Variants in ASH1L observed in about 807,000 individuals in gnomAD.
The protein encoded by ASH1L is ASH1 like histone lysine methyltransferase, also known as histone-lysine N-methyltransferase ASH1L.
In ASH1L, 23 loss-of-function variants were observed where a neutral mutation model predicts 269.0. The ratio of observed to expected loss-of-function variants is 0.09; its 90% CI spans 0.06 to 0.12. The LOEUF (loss-of-function observed/expected upper bound fraction) is 0.12. Among genes scored for constraint, ASH1L ranks in the 10% least tolerant of loss-of-function variants. ASH1L has a pLI of 1.00. For synonymous variants in ASH1L, 1,187 were observed against 1,253.5 expected (o/e 0.95, Z 1.12); for missense variants, 2,912 against 3,567.8 (o/e 0.82, Z 4.68).
At chr1:155,558,992 A>G (rs1384109696) in intron 1 of ASH1L, among the ~76,000 whole-genome samples, 2 of 150,518 alleles carry the variant, frequency 1.3e-5, no homozygotes, top group Non-Finnish European at 3.0e-5. Flanking sequence ...CTACCGGCAC[A>G]CACACCATGC....
At chr1:155,346,322 G>A in intron 21 of ASH1L, 61 bp downstream of exon 21, 2 of 1,568,850 alleles carry the variant, frequency 1.3e-6, no homozygotes, top group South Asian at 1.1e-5. Flanking sequence ...CAGGACAGGT[G>A]AGATACCATG....
intron 6 of ASH1L, among the ~76,000 whole-genome samples, chr1:155,414,995 CCAAT>C (rs1660089727): frequency 6.6e-6 from 1 of 152,106 alleles, no homozygotes; most frequent in Non-Finnish European, 1.5e-5. Context: ...AACACAGCGT[CCAAT>C]CAGTGAAAAA....
chr1:155,512,265 C>T (rs576274943), intron 2 of ASH1L, among the ~76,000 whole-genome samples: 5 of 151,818 alleles, frequency 3.3e-5, no homozygotes, highest in South Asian at 4.2e-4. Flanking sequence ...ATCCGCCAGG[C>T]GCAGCACAGG....
intron 6 of ASH1L, 85 bp downstream of exon 6, chr1:155,415,659 G>C: frequency 1.4e-6 from 2 of 1,438,674 alleles, no homozygotes; most frequent in Non-Finnish European, 1.9e-6. Flanking sequence ...AAACACAAAA[G>C]AATCTATATT....
At position 155,490,656 on chromosome 1, in the gene ASH1L, T is replaced by A. The variant is rs534543852; in HGVS notation, c.421-8207A>T. Among the ~76,000 whole-genome samples the A allele has an allele frequency of 7.7e-3, 979 of 126,998 alleles. 9 individuals carry two copies. Among genetic ancestry groups the A allele is most frequent in the African/African-American group, 0.029 (912 of 31,944 alleles). 83.3% of individuals were successfully genotyped at this position (126,998 alleles called of 152,430 possible). On this transcript the variant is annotated intron_variant, in intron 2 of 27. Coordinates refer to ENST00000392403, the MANE Select transcript of ASH1L (RefSeq NM_018489.3). ...CACACACACACACATACACACACAC[T>A]CTCTCTCTCTCTTTTTCTGGCCAGG...
At position 155,531,142 on chromosome 1, in the gene ASH1L, A is replaced by C. The variant is rs575369311; in HGVS notation, c.-99-9524T>G. Among the ~76,000 whole-genome samples, 4 of 152,208 alleles carry C rather than the reference A, an allele frequency of 2.6e-5. No homozygotes were observed. In the South Asian group the frequency reaches 8.3e-4, roughly 32 times the overall value. Reference sequence around the variant, plus strand: ...CACTGCACTCCAGTCTGGGCAATAAAGAGAGACCCCCATCTCAAAAAACAG... The same window carrying C: ...CACTGCACTCCAGTCTGGGCAATAACGAGAGACCCCCATCTCAAAAAACAG... On this transcript the variant is annotated intron_variant, in intron 1 of 27. Coordinates refer to ENST00000392403, the MANE Select transcript of ASH1L (RefSeq NM_018489.3).
chr1:155,411,576 TAA>T (rs1491466313), intron 6 of ASH1L, among the ~76,000 whole-genome samples: 2 of 37,050 alleles, frequency 5.4e-5, no homozygotes, highest in South Asian at 1.8e-3. Flanking sequence ...TGAATATAAA[TAA>T]ATAAATAAAT....
At chr1:155,484,950 C>CA (rs1454107281) in intron 2 of ASH1L, among the ~76,000 whole-genome samples, 11 of 118,328 alleles carry the variant, frequency 9.3e-5, no homozygotes, top group African/African-American at 2.8e-4. Context: ...AAAACAAAAA[C>CA]AAAAACAAAA....
Position 155,439,120 on chromosome 1 carries a change from T to G in ASH1L, c.5087-52A>C, listed in dbSNP as rs769625318. The G allele has an allele frequency of 2.0e-6, 3 of 1,523,614 alleles. No homozygotes were observed. The African/African-American group carries it at 4.2e-5, about 21-fold the overall frequency. The allele number at this position is 1,523,614 out of a possible 1,614,324, so 94.4% of individuals were successfully genotyped here. A position where few individuals can be genotyped will look rare whatever the true frequency, so the allele number is the denominator to read the frequency against. ...GACAAAATTGGACACGGCTAGTTAT[T>G]TAAATAAGTTTTTACACAGATAAAA... On this transcript the variant is annotated intron_variant, in intron 4 of 27. Transcript: ENST00000392403.
At chr1:155,471,874 T>C (rs1267503132) in intron 3 of ASH1L, among the ~76,000 whole-genome samples, 1 of 152,240 alleles carries the variant, frequency 6.6e-6, no homozygotes, top group Non-Finnish European at 1.5e-5. Context: ...AGGTCTTCAC[T>C]AGCTTCAGGT....
chr1:155,489,271 G>C (rs1666578766), intron 2 of ASH1L, among the ~76,000 whole-genome samples: 1 of 151,814 alleles, frequency 6.6e-6, no homozygotes, highest in Non-Finnish European at 1.5e-5. Flanking sequence ...AGGAGTTTGA[G>C]ACCAGCCTGA....
Position 155,433,206 on chromosome 1 carries a change from C to T in ASH1L, c.5828+5121G>A, listed in dbSNP as rs1338246684. 5 of 1,545,728 alleles carry T rather than the reference C, an allele frequency of 3.2e-6. No homozygotes were observed. In the South Asian group the frequency reaches 6.0e-5, roughly 18 times the overall value. ...TGGCGGGACACCTGGCTTCGGATGCCTGCCTTCTTGCCCCCTCCAGGCGGT... is the reference window on the plus strand; with the variant it reads ...TGGCGGGACACCTGGCTTCGGATGCTTGCCTTCTTGCCCCCTCCAGGCGGT... On this transcript the variant is annotated intron_variant, in intron 5 of 27. Transcript: ENST00000392403.
Position 155,343,879 on chromosome 1 carries a change from G to C in ASH1L, c.7982-137C>G, listed in dbSNP as rs1653012923. 5 of 1,016,386 alleles carry C rather than the reference G, an allele frequency of 4.9e-6. No homozygotes were observed. The allele number at this position is 1,016,386 out of a possible 1,614,324, so 63.0% of individuals were successfully genotyped here. A position where few individuals can be genotyped will look rare whatever the true frequency, so the allele number is the denominator to read the frequency against. On this transcript the variant is annotated intron_variant, in intron 22 of 27. Coordinates refer to ENST00000392403, the MANE Select transcript of ASH1L (RefSeq NM_018489.3). The surrounding 1 kb of genome is among the most constrained non-coding windows in gnomAD (Gnocchi z 6.1). ...TAAATACAGAGAGCTAAAAGCAGCAGTGTTAAGTGATGATAATCAATTCTA... is the reference window on the plus strand; with the variant it reads ...TAAATACAGAGAGCTAAAAGCAGCACTGTTAAGTGATGATAATCAATTCTA...
chr1:155,521,413 T>G lies in ASH1L; in HGVS notation c.107A>C (p.Glu36Ala). ...ISTGTLVSKREVELEKNTKEE... is the reference protein window; with the variant it reads ...ISTGTLVSKRAVELEKNTKEE... ...CTTTGTGTTTTTTTCTAGCTCTACT[T>G]CTCTCTTACTGACCAATGTGCCAGT... The change falls in exon 2 of 28, where the codon GAA becomes GCA. Residue 36 changes from glutamate (E) to alanine (A), a missense_variant. Around this residue, in one of 13 missense-constraint regions of ASH1L, gnomAD observed 115 missense variants for 101.5 expected, o/e 1.13. Transcript: ENST00000392403. The G allele has an allele frequency of 6.2e-7, 1 of 1,614,142 alleles. No homozygotes were observed. The highest frequency in any genetic ancestry group is 8.5e-7 in the Non-Finnish European group (1 of 1,180,028).
chr1:155,532,124 C>T (rs1286808626), intron 1 of ASH1L, among the ~76,000 whole-genome samples: 2 of 152,192 alleles, frequency 1.3e-5, no homozygotes, highest in Non-Finnish European at 2.9e-5. Flanking sequence ...TTCACTCAAA[C>T]AGGCAAACTC....
At chr1:155,342,805 AC>A (rs1652924476) in intron 24 of ASH1L, among the ~76,000 whole-genome samples, 1 of 152,236 alleles carries the variant, frequency 6.6e-6, no homozygotes, top group South Asian at 2.1e-4. Flanking sequence ...TGAAATTAGT[AC>A]ACAGTATTAA....
chr1:155,419,872 T>C (rs1197863748), intron 5 of ASH1L, among the ~76,000 whole-genome samples: 1 of 152,198 alleles, frequency 6.6e-6, no homozygotes, highest in African/African-American at 2.4e-5. Context: ...TGTGATTGTC[T>C]ATATAAAAAC....
Position 155,370,540 on chromosome 1 carries a change from T to C in ASH1L, c.6650A>G (p.Asn2217Ser). 6.2e-7 allele frequency: 1 copy of C among 1,614,148 alleles called. No homozygotes were observed. The highest frequency in any genetic ancestry group is 8.5e-7 in the Non-Finnish European group (1 of 1,180,034). ...TTCACAATTTGGGTCACAGCTATGG[T>C]TGATGAATCGGGCCTCATTTCCCAT... ...YRMGNEARFI[N>S]HSCDPNCEMQ... Residue 2217 changes from asparagine (N) to serine (S), a missense_variant, in exon 12 of 28, where the codon AAC becomes AGC. Coordinates refer to ENST00000392403, the MANE Select transcript of ASH1L (RefSeq NM_018489.3).
chr1:155,480,385 C>T lies in ASH1L; in HGVS notation c.2485G>A (p.Gly829Arg), dbSNP rs773226898. ...LLSDIYKPKR[G>R]RPKSKEMPQL... ...GGCATCTCCTTAGATTTAGGCCTTC[C>T]TCTTTTGGGCTTATAAATATCAGAC... The change falls in exon 3 of 28, where the codon GGA (glycine) becomes AGA (arginine). Residue 829 changes from glycine (G) to arginine (R), a missense_variant. Coordinates refer to ENST00000392403, the MANE Select transcript of ASH1L (RefSeq NM_018489.3). 3 of 1,614,010 alleles carry T rather than the reference C, an allele frequency of 1.9e-6. No homozygotes were observed. The highest frequency in any genetic ancestry group is 2.5e-6 in the Non-Finnish European group (3 of 1,179,892).
Sources: allele counts gnomAD v4.1 joint callset (sites outside exome capture counted in the v4.1 genomes callset), GRCh38; gene constraint gnomAD v4.1.1; regional missense constraint gnomAD v4.1.1; non-coding constraint Gnocchi (gnomAD v3.1); transcripts MANE v1.5; gene names NCBI Gene and HGNC (gene_info 2026-07-23, HGNC 2026-07-21).